The following GALNT13 variants were observed in gnomAD, a reference collection of about 807,000 sequenced individuals.
GALNT13 encodes the protein polypeptide N-acetylgalactosaminyltransferase 13, also known as UDP-GalNAc:polypeptide N-acetylgalactosaminyltransferase 13.
In GALNT13, 28 loss-of-function variants were observed where a neutral mutation model predicts 64.2. The ratio of observed to expected loss-of-function variants is 0.44; its 90% CI spans 0.32 to 0.60. The LOEUF (loss-of-function observed/expected upper bound fraction) is 0.60, where lower values mean the gene tolerates loss of function less well. Ranked by LOEUF, GALNT13 falls within the 20% of genes least tolerant of loss-of-function variation. The probability of loss-of-function intolerance (pLI) is 0.05; values close to 1 mark genes in which losing one functional copy is unlikely to be tolerated. For missense variants in GALNT13, 577 were observed against 669.8 expected (o/e 0.86, Z 1.53); for synonymous variants, 214 against 224.6 (o/e 0.95, Z 0.42).
chr2:153,301,321 A>G, the GALNT13 span, among the ~76,000 whole-genome samples: 1 of 98,836 alleles, frequency 1.0e-5, no homozygotes, highest in East Asian at 2.0e-4. Flanking sequence ...AAAAAAAAGA[A>G]AAAAAAAAAG....
chr2:154,241,703 C>T (rs191377251), intron 4 of GALNT13, among the ~76,000 whole-genome samples: 1 of 152,256 alleles, frequency 6.6e-6, no homozygotes, highest in Admixed American at 6.5e-5. Flanking sequence ...ATTATATTCA[C>T]TAAATGAACT....
the GALNT13 span, among the ~76,000 whole-genome samples, chr2:153,154,117 G>T: frequency 6.6e-6 from 1 of 151,902 alleles, no homozygotes; most frequent in Non-Finnish European, 1.5e-5. Flanking sequence ...TTTACCTCCT[G>T]ATATGGTTTG....
chr2:153,589,452 C>T, the GALNT13 span, among the ~76,000 whole-genome samples: 2 of 152,170 alleles, frequency 1.3e-5, no homozygotes, highest in Admixed American at 6.5e-5. Context: ...CCAACCTCTG[C>T]CCTTTACCCA....
At chr2:153,789,312 G>T in the GALNT13 span, among the ~76,000 whole-genome samples, 25,254 of 151,996 alleles carry the variant, frequency 0.17, 2,932 homozygotes, top group African/African-American at 0.33. Flanking sequence ...ACTATACAAT[G>T]ACAGGAAATT....
chr2:153,951,402 G>A (rs900960575), intron 3 of GALNT13, among the ~76,000 whole-genome samples: 1 of 152,176 alleles, frequency 6.6e-6, no homozygotes, highest in Non-Finnish European at 1.5e-5. Context: ...GTAGGAGTCT[G>A]TGGCAGTATT....
the GALNT13 span, chr2:153,762,610 C>T: frequency 1.9e-5 from 3 of 161,242 alleles, no homozygotes; most frequent in South Asian, 5.6e-4. Flanking sequence ...CTTTGTTTGA[C>T]CCTCCAAAAA....
the GALNT13 span, among the ~76,000 whole-genome samples, chr2:153,828,580 T>C: frequency 7.0e-3 from 1,072 of 152,268 alleles, 9 homozygotes; most frequent in African/African-American, 0.024. Context: ...CATGGAGACC[T>C]TGAACCTGGC....
intron 3 of GALNT13, among the ~76,000 whole-genome samples, chr2:154,032,184 G>C (rs1241272301): frequency 6.6e-6 from 1 of 151,634 alleles, no homozygotes. Flanking sequence ...TTAAAAGCTG[G>C]TATTTGAAAA....
the GALNT13 span, among the ~76,000 whole-genome samples, chr2:153,406,825 C>G: frequency 2.0e-5 from 3 of 152,112 alleles, no homozygotes; most frequent in African/African-American, 7.2e-5. Context: ...TCTGGTAAAT[C>G]TAATGAATTG....
chr2:153,456,437 G>A, the GALNT13 span, among the ~76,000 whole-genome samples: 2 of 152,168 alleles, frequency 1.3e-5, no homozygotes, highest in Admixed American at 6.6e-5. Context: ...AGGTCTGGGT[G>A]TGCTAATATG....
chr2:153,800,224 A>G, the GALNT13 span, among the ~76,000 whole-genome samples: 5 of 152,080 alleles, frequency 3.3e-5, no homozygotes, highest in African/African-American at 9.7e-5. Flanking sequence ...ACATATGAAA[A>G]TTATGTTTAC....
the GALNT13 span, among the ~76,000 whole-genome samples, chr2:153,825,428 T>G: frequency 9.8e-5 from 15 of 152,290 alleles, no homozygotes; most frequent in South Asian, 3.1e-3. Context: ...ATTTGTGTAT[T>G]TAGAGGCTAC....
the GALNT13 span, among the ~76,000 whole-genome samples, chr2:153,577,934 A>G: frequency 2.6e-5 from 4 of 151,266 alleles, no homozygotes; most frequent in Admixed American, 2.6e-4. Flanking sequence ...AAACACAGGT[A>G]GTCACACACA....
Position 154,352,918 on chromosome 2 carries a change from G to C in GALNT13, c.1157-43073G>C, listed in dbSNP as rs530411303. 4.7e-4 allele frequency among the ~76,000 whole-genome samples: 72 copies of C among 152,292 alleles called. 1 individual carries two copies. Among genetic ancestry groups the C allele is most frequent in the Admixed American group, 8.5e-4 (13 of 15,300 alleles). On this transcript the variant is annotated intron_variant, in intron 9 of 12. Transcript: ENST00000392825. ...CAGCATCAAGTTAGGCTTACTGTTA[G>C]TATCCTCCAAACTTGTTGCTCTGGT...
the GALNT13 span, among the ~76,000 whole-genome samples, chr2:153,372,034 A>G: frequency 6.6e-6 from 1 of 152,110 alleles, no homozygotes; most frequent in Non-Finnish European, 1.5e-5. Flanking sequence ...AGGGACCAGT[A>G]TGTTTCTGAT....
intron 1 of GALNT13, among the ~76,000 whole-genome samples, chr2:153,890,082 A>T (rs2105265061): frequency 6.6e-6 from 1 of 151,948 alleles, no homozygotes; most frequent in East Asian, 1.9e-4. Flanking sequence ...AAAGAGTAAC[A>T]CCTGCGAAAT....
chr2:153,227,040 T>A, the GALNT13 span, among the ~76,000 whole-genome samples: 1 of 152,196 alleles, frequency 6.6e-6, no homozygotes. Flanking sequence ...CAAGCCAGAT[T>A]AGCCTAATTC....
chr2:154,096,855 G>A (rs534553907), intron 3 of GALNT13, among the ~76,000 whole-genome samples: 1 of 151,986 alleles, frequency 6.6e-6, no homozygotes, highest in Non-Finnish European at 1.5e-5. Context: ...GATGAAGTTG[G>A]AAGATACAGC....
chr2:154,115,765 A>C (rs1703263762), intron 3 of GALNT13, among the ~76,000 whole-genome samples: 2 of 152,158 alleles, frequency 1.3e-5, no homozygotes, highest in South Asian at 4.1e-4. Context: ...CATTAAATGC[A>C]GAGTCCCTAC....
Sources: gnomAD v4.1 joint callset for allele counts (sites outside exome capture counted in the v4.1 genomes callset) on GRCh38, gnomAD v4.1.1 for gene constraint, MANE v1.5 for transcripts, NCBI Gene and HGNC (gene_info 2026-07-23, HGNC 2026-07-21) for gene names.